Variants in PTPRE observed in about 807,000 individuals in gnomAD.
PTPRE encodes protein tyrosine phosphatase receptor type E.
Under a neutral mutation model 102.0 loss-of-function variants are expected in PTPRE, and 51 were observed. That is an observed-to-expected ratio of 0.50 (90% CI 0.40 to 0.63). The LOEUF (loss-of-function observed/expected upper bound fraction) is 0.63, where lower values mean the gene tolerates loss of function less well. Among genes scored for constraint, PTPRE ranks in the 30% least tolerant of loss-of-function variants. The probability of loss-of-function intolerance (pLI) is 0.00; values close to 1 mark genes in which losing one functional copy is unlikely to be tolerated. For missense variants in PTPRE, 752 were observed against 915.1 expected, an observed-to-expected ratio of 0.82 and a Z score of 2.30; for synonymous variants, 345 against 348.2, an observed-to-expected ratio of 0.99 and a Z score of 0.10.
intron 2 of PTPRE, among the ~76,000 whole-genome samples, chr10:127,996,510 A>C (rs1353403389): frequency 6.6e-6 from 1 of 151,928 alleles, no homozygotes; most frequent in Non-Finnish European, 1.5e-5. Context: ...CCAACCTGAG[A>C]CTCCCCTTCA....
At chr10:127,916,169 TCC>T (rs923462414) in intron 1 of PTPRE, among the ~76,000 whole-genome samples, 7 of 151,984 alleles carry the variant, frequency 4.6e-5, no homozygotes, top group Non-Finnish European at 8.8e-5. Flanking sequence ...TGGCTCTGTG[TCC>T]CCACCCAAAT....
At chr10:128,020,916 G>C (rs1438138136) in intron 2 of PTPRE, among the ~76,000 whole-genome samples, 4 of 143,456 alleles carry the variant, frequency 2.8e-5, no homozygotes, top group Non-Finnish European at 6.0e-5. Context: ...TTTTTTTCTT[G>C]AGATGGAGTC....
At chr10:127,913,635 T>G (rs534772894) in intron 1 of PTPRE, among the ~76,000 whole-genome samples, 113 of 152,334 alleles carry the variant, frequency 7.4e-4, no homozygotes, top group African/African-American at 2.5e-3. Context: ...GGCTTGGCCC[T>G]GACTCCTCGG....
At chr10:128,069,578 C>A (rs1382357472) in intron 12 of PTPRE, 114 bp from the exon 13 acceptor site, 102 of 1,451,788 alleles carry the variant, frequency 7.0e-5, no homozygotes, top group Non-Finnish European at 9.3e-5. Context: ...CCTAATTAAC[C>A]AAAAAAACAA....
chr10:128,062,798 G>C (rs1209594948), intron 9 of PTPRE: 2 of 417,050 alleles, frequency 4.8e-6, no homozygotes, highest in Non-Finnish European at 8.6e-6. Context: ...CTTGGCTGTA[G>C]ACCCAGCCCT....
intron 7 of PTPRE, among the ~76,000 whole-genome samples, chr10:128,057,548 T>C (rs1054349945): frequency 2.0e-5 from 3 of 152,240 alleles, no homozygotes; most frequent in Non-Finnish European, 4.4e-5. Flanking sequence ...CGATCTGTGG[T>C]CTGTCCAAAC....
intron 1 of PTPRE, among the ~76,000 whole-genome samples, chr10:127,924,279 G>T (rs1589744037): frequency 6.6e-6 from 1 of 152,200 alleles, no homozygotes. Flanking sequence ...AGGCTGGAGT[G>T]CAATGGTGCG....
chr10:127,963,323 A>C (rs762775603), intron 1 of PTPRE, among the ~76,000 whole-genome samples: 2 of 152,138 alleles, frequency 1.3e-5, no homozygotes, highest in Non-Finnish European at 2.9e-5. Flanking sequence ...CCTGTCAGCC[A>C]AGGCCACTCC....
Position 128,072,423 on chromosome 10 carries a change from C to T in PTPRE, c.1464+209C>T, listed in dbSNP as rs11016050. 63,529 of 469,996 alleles carry T rather than the reference C, an allele frequency of 0.14. 4,990 individuals carry two copies. The highest frequency in any genetic ancestry group is 0.24 in the East Asian group (6,650 of 27,898). The allele number at this position is 469,996 out of a possible 1,614,324, so 29.1% of individuals were successfully genotyped here. ...ATCCCAACACTTTGGGAAGCTAAGGCGGGCAGATCACTTGGGGTCAGGAGT... is the reference window on the plus strand; with the variant it reads ...ATCCCAACACTTTGGGAAGCTAAGGTGGGCAGATCACTTGGGGTCAGGAGT... On this transcript the variant is annotated intron_variant, in intron 16 of 20. Transcript: ENST00000254667.
At chr10:128,020,025 T>TGA (rs1184963575) in intron 2 of PTPRE, among the ~76,000 whole-genome samples, 1 of 104,238 alleles carries the variant, frequency 9.6e-6, no homozygotes, top group African/African-American at 4.8e-5. Flanking sequence ...GTGGAGGCTG[T>TGA]GTGTGTGTGT....
At chr10:128,050,634 G>A (rs527416755) in intron 6 of PTPRE, among the ~76,000 whole-genome samples, 3 of 152,328 alleles carry the variant, frequency 2.0e-5, no homozygotes, top group African/African-American at 7.2e-5. Context: ...TCTTAAAGAG[G>A]ATAGATTTTC....
intron 1 of PTPRE, among the ~76,000 whole-genome samples, chr10:127,926,044 T>C (rs928584338): frequency 6.6e-6 from 1 of 152,238 alleles, no homozygotes; most frequent in South Asian, 2.1e-4. Context: ...TAGCTAATCC[T>C]TTTGTGAAGC....
chr10:128,060,868 T>G (rs557137129), intron 7 of PTPRE, 71 bp from the exon 8 acceptor site: 475 of 1,470,798 alleles, frequency 3.2e-4, no homozygotes, highest in Non-Finnish European at 4.3e-4. Context: ...GACAGCACTG[T>G]GATTTCTGGA....
intron 1 of PTPRE, among the ~76,000 whole-genome samples, chr10:127,927,933 C>T (rs547900514): frequency 2.4e-4 from 36 of 152,252 alleles, no homozygotes; most frequent in African/African-American, 8.4e-4. Flanking sequence ...TTTTAAACAG[C>T]TTTTTCCATA....
chr10:128,045,375 C>T (rs74159147), intron 3 of PTPRE, among the ~76,000 whole-genome samples: 1,537 of 152,296 alleles, frequency 0.01, 27 homozygotes, highest in African/African-American at 0.035. Context: ...ATGAGAGGAC[C>T]CCATGAGTTG....
chr10:127,974,717 A>G (rs574343798), intron 1 of PTPRE, among the ~76,000 whole-genome samples: 1 of 152,342 alleles, frequency 6.6e-6, no homozygotes, highest in African/African-American at 2.4e-5. Flanking sequence ...TACTCATTCA[A>G]CTAGTATTTT....
chr10:127,991,509 G>A (rs1157142756), intron 2 of PTPRE, among the ~76,000 whole-genome samples: 8 of 152,116 alleles, frequency 5.3e-5, no homozygotes, highest in African/African-American at 1.7e-4. Flanking sequence ...CTTAAGACAC[G>A]GCAAGCATGA....
intron 15 of PTPRE, 50 bp from the exon 16 acceptor site, chr10:128,072,088 G>A: frequency 6.6e-7 from 1 of 1,525,070 alleles, no homozygotes; most frequent in South Asian, 1.2e-5. Context: ...ATTAAAGTTA[G>A]CAAGGTGGGA....
In PTPRE at chr10:127,907,430, C is replaced by A; in HGVS notation, c.-31+121C>A. 1.3e-6 allele frequency: 1 copy of A among 762,974 alleles called. No homozygotes were observed. Among genetic ancestry groups the A allele is most frequent in the Non-Finnish European group, 1.6e-6 (1 of 627,632 alleles). The allele number at this position is 762,974 out of a possible 1,614,324, so 47.3% of individuals were successfully genotyped here. ...GCGGGAGGGAGGGGCCGCTCCGGGG[C>A]TCAGAGTCCGGACCCCGGCCCCGCC... On this transcript the variant is annotated intron_variant, in intron 1 of 20. Coordinates refer to ENST00000254667, the MANE Select transcript of PTPRE (RefSeq NM_006504.6). This position sits in a 1 kb window ranked among gnomAD's most constrained non-coding sequence, Gnocchi z 4.8.
Sources: gnomAD v4.1 joint callset for allele counts (sites outside exome capture counted in the v4.1 genomes callset) on GRCh38, gnomAD v4.1.1 for gene constraint, Gnocchi (gnomAD v3.1) non-coding constraint, MANE v1.5 for transcripts, NCBI Gene and HGNC (gene_info 2026-07-23, HGNC 2026-07-21) for gene names.